CLBA1: variants seen among roughly 807,000 people sequenced by gnomAD.
CLBA1 encodes clathrin binding box of aftiphilin containing 1, also known as uncharacterized protein CLBA1.
A neutral mutation model predicts 28.8 loss-of-function variants in CLBA1; 30 were observed. The ratio of observed to expected loss-of-function variants is 1.04; its 90% CI spans 0.78 to 1.41. CLBA1 has a LOEUF of 1.41. Among genes scored for constraint, CLBA1 ranks in the 40% most tolerant of loss-of-function variants. The probability of loss-of-function intolerance (pLI) is 0.00; values close to 1 mark genes in which losing one functional copy is unlikely to be tolerated. For missense variants in CLBA1, 451 were observed against 412.3 expected (o/e 1.09, Z -0.81); for synonymous variants, 160 against 152.8 (o/e 1.05, Z -0.35).
downstream of CLBA1, among the ~76,000 whole-genome samples, chr14:104,996,849 G>C (rs1900165553): frequency 6.6e-6 from 1 of 152,346 alleles, no homozygotes; most frequent in East Asian, 1.9e-4. Flanking sequence ...CTGCAGAGAA[G>C]TCCAGAGCTA....
Position 104,986,847 on chromosome 14 carries a change from C to A in CLBA1, c.416C>A (p.Pro139His). The A allele has an allele frequency of 6.2e-7, 1 of 1,612,964 alleles. No homozygotes were observed. The highest frequency in any genetic ancestry group is 8.5e-7 in the Non-Finnish European group (1 of 1,179,872). Residue 139 changes from proline (P) to histidine (H), a missense_variant, in exon 1 of 5, where the codon CCT becomes CAT. Coordinates refer to ENST00000547315, the MANE Select transcript of CLBA1 (RefSeq NM_174891.4). ...PWVTGTSAVP[P>H]SEPILSYENI... Reference sequence around the variant, plus strand: ...GTGACAGGAACTTCTGCCGTCCCACCTTCTGAGGTATTTCTGCTGTGCTGT... The same window carrying A: ...GTGACAGGAACTTCTGCCGTCCCACATTCTGAGGTATTTCTGCTGTGCTGT...
At chr14:104,987,237 G>A (rs545407875) in intron 1 of CLBA1, among the ~76,000 whole-genome samples, 33 of 152,388 alleles carry the variant, frequency 2.2e-4, no homozygotes, top group African/African-American at 7.2e-4. Context: ...AAAAGTCTCA[G>A]AGATTCTAAA....
chr14:104,987,240 A>T (rs1899889878), intron 1 of CLBA1, among the ~76,000 whole-genome samples: 1 of 152,242 alleles, frequency 6.6e-6, no homozygotes, highest in African/African-American at 2.4e-5. Flanking sequence ...AGTCTCAGAG[A>T]TTCTAAAATC....
Position 104,986,323 on chromosome 14 carries a change from C to T in CLBA1, c.-109C>T, listed in dbSNP as rs943978703. 6.6e-6 allele frequency: 8 copies of T among 1,204,198 alleles called. No homozygotes were observed. In the Admixed American group the frequency reaches 7.5e-5, roughly 11 times the overall value. 74.6% of individuals were successfully genotyped at this position (1,204,198 alleles called of 1,614,324 possible). A position where few individuals can be genotyped will look rare whatever the true frequency, so the allele number is the denominator to read the frequency against. On this transcript the variant is annotated 5_prime_UTR_variant, in exon 1 of 5. Coordinates refer to ENST00000547315, the MANE Select transcript of CLBA1 (RefSeq NM_174891.4). ...GGGGCACTCCTGCAGCGTCCCCTGG[C>T]CCTCTCCAGGGCAGGGGAAGGTTGG... is the stretch of plus-strand genomic sequence containing the variant.
At chr14:104,988,310 G>A (rs1899924386) in intron 1 of CLBA1, among the ~76,000 whole-genome samples, 1 of 151,174 alleles carries the variant, frequency 6.6e-6, no homozygotes, top group Non-Finnish European at 1.5e-5. Context: ...GTAAAGTGCT[G>A]TGCTTACTGT....
Position 104,995,289 on chromosome 14 carries a change from G to A in CLBA1, c.*530G>A, listed in dbSNP as rs1019130912. ...AGATGTGCTGTGTCCTCAGAGCCTC[G>A]CAGGTGCCCTCACTTACTGCCTGGG... On this transcript the variant is annotated 3_prime_UTR_variant, in exon 5 of 5. Transcript: ENST00000547315. The A allele has an allele frequency of 5.3e-5, 52 of 985,454 alleles. No homozygotes were observed. In the African/African-American group the frequency reaches 7.7e-4, roughly 15 times the overall value. The allele number at this position is 985,454 out of a possible 1,614,324, so 61.0% of individuals were successfully genotyped here. A position where few individuals can be genotyped will look rare whatever the true frequency, so the allele number is the denominator to read the frequency against.
intron 1 of CLBA1, 68 bp from the exon 2 acceptor site, chr14:104,988,875 T>G: frequency 7.1e-7 from 1 of 1,416,216 alleles, no homozygotes; most frequent in Non-Finnish European, 9.6e-7. Context: ...AATTATTTCT[T>G]TGGAATAAGG....
chr14:104,985,917 T>C lies in CLBA1; in HGVS notation c.-515T>C. 7.5e-6 allele frequency: 1 copy of C among 133,880 alleles called. No homozygotes were observed. Among genetic ancestry groups the C allele is most frequent in the Non-Finnish European group, 1.4e-5 (1 of 71,428 alleles). 8.3% of individuals were successfully genotyped at this position (133,880 alleles called of 1,614,324 possible). ...CTCTCGGGAGCCGTGGGCCAGGCGC[T>C]TAGCCGGCCACCTCGGGCCCTGTCC... On this transcript the variant is annotated 5_prime_UTR_variant, in exon 1 of 5. Coordinates refer to ENST00000547315, the MANE Select transcript of CLBA1 (RefSeq NM_174891.4).
intron 1 of CLBA1, among the ~76,000 whole-genome samples, chr14:104,987,593 T>C (rs1899897793): frequency 6.7e-6 from 1 of 149,094 alleles, no homozygotes; most frequent in South Asian, 2.1e-4. Context: ...CTGGCCTGTT[T>C]TCTCTTCCTT....
At chr14:104,994,312 C>T in intron 4 of CLBA1, 1 of 985,406 alleles carries the variant, frequency 1.0e-6, no homozygotes, top group Non-Finnish European at 1.2e-6. Context: ...CAGGGAGTGC[C>T]AGACACGTAG....
At chr14:104,993,450 G>C in intron 4 of CLBA1, 1 of 985,432 alleles carries the variant, frequency 1.0e-6, no homozygotes, top group Non-Finnish European at 1.2e-6. Context: ...CTGGGCAGCT[G>C]TCGTGAACGG....
At chr14:104,990,307 G>A (rs1899985384) in intron 2 of CLBA1, 1 of 155,594 alleles carries the variant, frequency 6.4e-6, no homozygotes, top group South Asian at 2.0e-4. Context: ...TTTGGAAATG[G>A]TTTGGTGTTT....
At chr14:104,988,747 T>C (rs1311494643) in intron 1 of CLBA1, among the ~76,000 whole-genome samples, 196 bp from the exon 2 acceptor site, 1 of 152,238 alleles carries the variant, frequency 6.6e-6, no homozygotes, top group African/African-American at 2.4e-5. Flanking sequence ...TAACCCCACC[T>C]TTCCCATGAG....
chr14:104,997,779 C>G (rs778452726), downstream of CLBA1, among the ~76,000 whole-genome samples: 16 of 152,060 alleles, frequency 1.1e-4, no homozygotes, highest in Non-Finnish European at 1.9e-4. Flanking sequence ...GAGGCTGATG[C>G]AGGTGGATCA....
downstream of CLBA1, among the ~76,000 whole-genome samples, chr14:104,999,056 C>T (rs9944006): frequency 6.6e-5 from 10 of 152,374 alleles, no homozygotes; most frequent in African/African-American, 2.2e-4. Context: ...CTATCCAGGG[C>T]CCATGGGTGT....
chr14:104,990,661 C>T (rs553858750), intron 2 of CLBA1: 2 of 152,338 alleles, frequency 1.3e-5, no homozygotes, highest in Non-Finnish European at 2.9e-5. Flanking sequence ...TTCTCAGTCC[C>T]TCACAGTGCG....
In CLBA1 at chr14:104,986,149, G is replaced by A. The variant is rs1899847874; in HGVS notation, c.-283G>A. The A allele has an allele frequency of 4.0e-6, 2 of 495,914 alleles. No individual in the cohort carries two copies. The highest frequency in any genetic ancestry group is 1.9e-5 in the African/African-American group (1 of 51,840). The allele number at this position is 495,914 out of a possible 1,614,324, so 30.7% of individuals were successfully genotyped here. On this transcript the variant is annotated 5_prime_UTR_variant, in exon 1 of 5. In the 5' UTR this introduces an upstream ATG that the reference lacks. Coordinates refer to ENST00000547315, the MANE Select transcript of CLBA1 (RefSeq NM_174891.4). ...TTGGGCCGCCCCTCTCACACCTGCC[G>A]TGGGTCTGGTACGCGCCTCTGTGTC...
intron 1 of CLBA1, 49 bp from the exon 2 acceptor site, chr14:104,988,894 T>C (rs372687306): frequency 5.9e-6 from 9 of 1,516,632 alleles, no homozygotes; most frequent in African/African-American, 5.6e-5. Flanking sequence ...GGTAACGTTA[T>C]GTATGTCTTT....
intron 1 of CLBA1, 43 bp downstream of exon 1, chr14:104,986,897 T>A: frequency 1.3e-6 from 2 of 1,594,264 alleles, no homozygotes; most frequent in Non-Finnish European, 1.7e-6. Flanking sequence ...GTGGGACGTG[T>A]ACACACCAAG....
Sources: gnomAD v4.1 joint callset for allele counts (sites outside exome capture counted in the v4.1 genomes callset) on GRCh38, gnomAD v4.1.1 for gene constraint, MANE v1.5 for transcripts, NCBI Gene and HGNC (gene_info 2026-07-23, HGNC 2026-07-21) for gene names.